FBXO38: variants seen among roughly 807,000 people sequenced by gnomAD.
FBXO38 encodes F-box protein 38.
FBXO38 carries 53 observed loss-of-function variants against 131.9 expected under a neutral mutation model. The observed-to-expected ratio is 0.40, with a 90% CI of 0.32 to 0.51. The LOEUF is 0.51. FBXO38 is among the 20% of genes least tolerant of loss of function. The pLI is 0.53. For synonymous variants in FBXO38, 452 were observed against 505.6 expected, an observed-to-expected ratio of 0.89 and a Z score of 1.42; for missense variants, 1,076 against 1,475.6, an observed-to-expected ratio of 0.73 and a Z score of 4.44.
At chr5:148,398,402 T>C (rs765536311) in intron 2 of FBXO38, among the ~76,000 whole-genome samples, 21 of 151,352 alleles carry the variant, frequency 1.4e-4, no homozygotes, top group Admixed American at 6.6e-5. Context: ...CTTAATACTT[T>C]ACGCAATACT....
chr5:148,423,958 A>T lies in FBXO38; in HGVS notation c.1619-40A>T, dbSNP rs200493006. ...TTTGCCTGCCATTGTAGTTCTTTATACTTCTTTTGGTTTTTACTTTGTGTA... is the reference window on the plus strand; with the variant it reads ...TTTGCCTGCCATTGTAGTTCTTTATTCTTCTTTTGGTTTTTACTTTGTGTA... On this transcript the variant is annotated intron_variant, in intron 12 of 21. Transcript: ENST00000340253. The T allele has an allele frequency of 1.1e-5, 17 of 1,587,634 alleles. No individual in the cohort carries two copies. The African/African-American group carries it at 1.8e-4, about 16-fold the overall frequency.
intron 12 of FBXO38, among the ~76,000 whole-genome samples, chr5:148,423,030 G>A (rs1298556774): frequency 2.6e-5 from 4 of 152,130 alleles, no homozygotes; most frequent in African/African-American, 9.7e-5. Context: ...TAGCATTCTT[G>A]TATGGTGGTA....
chr5:148,384,211 G>C (rs1757789844), intron 1 of FBXO38, among the ~76,000 whole-genome samples, 172 bp downstream of exon 1: 1 of 152,168 alleles, frequency 6.6e-6, no homozygotes, highest in Non-Finnish European at 1.5e-5. Flanking sequence ...GGTTGAATTT[G>C]TAGTTCCTGG....
chr5:148,408,531 A>G (rs897736528), intron 7 of FBXO38, among the ~76,000 whole-genome samples: 6 of 152,260 alleles, frequency 3.9e-5, no homozygotes, highest in African/African-American at 1.4e-4. Flanking sequence ...AATACTGTAC[A>G]GTAATAAGTG....
At chr5:148,402,322 A>T (rs371005377) in intron 4 of FBXO38, 26 bp from the exon 5 acceptor site, 1 of 1,582,074 alleles carries the variant, frequency 6.3e-7, no homozygotes, top group African/African-American at 1.4e-5. Context: ...GTCTTTTCTT[A>T]TGCTTGCTTT....
At chr5:148,435,637 G>A (rs1300908089) in intron 17 of FBXO38, among the ~76,000 whole-genome samples, 2 of 152,170 alleles carry the variant, frequency 1.3e-5, no homozygotes, top group Non-Finnish European at 2.9e-5. Flanking sequence ...GGGCATGGTG[G>A]CGGGTGCCTG....
intron 12 of FBXO38, among the ~76,000 whole-genome samples, chr5:148,420,561 A>T (rs1026934900): frequency 3.3e-5 from 5 of 152,228 alleles, no homozygotes; most frequent in Non-Finnish European, 7.3e-5. Flanking sequence ...GCATAGTTTT[A>T]CCTGTACATC....
intron 2 of FBXO38, among the ~76,000 whole-genome samples, chr5:148,398,256 AT>A (rs1295651313): frequency 6.6e-6 from 1 of 152,140 alleles, no homozygotes; most frequent in Non-Finnish European, 1.5e-5. Flanking sequence ...TAATCTAGGC[AT>A]GTGTGGAGGG....
chr5:148,402,460 A>T lies in FBXO38; in HGVS notation c.539A>T (p.Glu180Val). ...NRNGAFPIPP[E>V]NKLKIPIGAK... Reference sequence around the variant, plus strand: ...AATGGAGCTTTTCCAATTCCTCCTGAAAATAAACTGAAAATTCCTATAGGA... The same window carrying T: ...AATGGAGCTTTTCCAATTCCTCCTGTAAATAAACTGAAAATTCCTATAGGA... Residue 180 changes from glutamate to valine, a missense_variant, in exon 5 of 22, where the codon GAA becomes GTA. Glu to Val is a moderately radical substitution (Grantham distance 121). Transcript: ENST00000340253. The T allele has an allele frequency of 6.2e-7, 1 of 1,612,718 alleles. No individual in the cohort carries two copies. The highest frequency in any genetic ancestry group is 8.5e-7 in the Non-Finnish European group (1 of 1,179,316).
In FBXO38 at chr5:148,442,195, C is replaced by T. The variant is rs1754725604; in HGVS notation, c.*48C>T. The stretch of plus-strand genomic sequence containing the variant: ...TATTTTGTCAGAAAGCAAGTAGGGC[C>T]ATCCAGCTGCCAGAGTGCTCCACAG... On this transcript the variant is annotated 3_prime_UTR_variant, in exon 22 of 22. Coordinates refer to ENST00000340253, the MANE Select transcript of FBXO38 (RefSeq NM_205836.3). The T allele has an allele frequency of 3.2e-6, 5 of 1,573,248 alleles. No homozygotes were observed. The highest frequency in any genetic ancestry group is 4.3e-6 in the Non-Finnish European group (5 of 1,150,238).
At chr5:148,387,216 T>C (rs1757958767) in intron 1 of FBXO38, among the ~76,000 whole-genome samples, 1 of 152,236 alleles carries the variant, frequency 6.6e-6, no homozygotes. Context: ...TATGTAGTAT[T>C]CTAAATCCTT....
chr5:148,436,483 A>G (rs1414931679), intron 17 of FBXO38, among the ~76,000 whole-genome samples: 2 of 152,210 alleles, frequency 1.3e-5, no homozygotes, highest in African/African-American at 4.8e-5. Flanking sequence ...TAGGGTAAGT[A>G]TATAATGCAA....
intron 1 of FBXO38, among the ~76,000 whole-genome samples, chr5:148,392,034 A>T (rs546383748): frequency 6.6e-6 from 1 of 152,218 alleles, no homozygotes; most frequent in East Asian, 1.9e-4. Flanking sequence ...ACTTAACACT[A>T]TAAATCAGGA....
Position 148,410,752 on chromosome 5 carries a change from G to A in FBXO38, c.1080G>A (p.Glu360=), listed in dbSNP as rs1752702739. The A allele has an allele frequency of 6.2e-7, 1 of 1,610,956 alleles. No individual in the cohort carries two copies. The highest frequency in any genetic ancestry group is 8.5e-7 in the Non-Finnish European group (1 of 1,179,012). Residue 360 remains glutamate, a synonymous_variant, in exon 9 of 22, where the codon GAG becomes GAA. Transcript: ENST00000340253. ...CCCTTCATCTAGGATATGTAGATGAGTTTTTGCTACAGAGTAAGATTTATC... is the reference window on the plus strand; with the variant it reads ...CCCTTCATCTAGGATATGTAGATGAATTTTTGCTACAGAGTAAGATTTATC... ...FETLHLGYVD[E]FLLQSRMANA...
At position 148,406,239 on chromosome 5, in the gene FBXO38, A is replaced by T; in HGVS notation, c.731-18A>T. On this transcript the variant is annotated intron_variant, in intron 6 of 21. Transcript: ENST00000340253. The stretch of plus-strand genomic sequence containing the variant: ...GGCACTTTACATTGTTCTATCAAAG[A>T]TTTTTTTTTTTTTCCAGGACCCACA... The T allele has an allele frequency of 8.2e-7, 1 of 1,214,568 alleles. No homozygotes were observed. The highest frequency in any genetic ancestry group is 2.9e-5 in the East Asian group (1 of 35,058). 75.2% of individuals were successfully genotyped at this position (1,214,568 alleles called of 1,614,324 possible). A position where few individuals can be genotyped will look rare whatever the true frequency, so the allele number is the denominator to read the frequency against.
At chr5:148,393,880 G>T (rs550012372) in intron 1 of FBXO38, among the ~76,000 whole-genome samples, 30 of 152,112 alleles carry the variant, frequency 2.0e-4, no homozygotes, top group South Asian at 6.2e-4. Flanking sequence ...GACAATCAAG[G>T]TGTTAACTCC....
At chr5:148,438,801 A>G (rs1236088049) in intron 18 of FBXO38, among the ~76,000 whole-genome samples, 1 of 152,156 alleles carries the variant, frequency 6.6e-6, no homozygotes, top group Non-Finnish European at 1.5e-5. Flanking sequence ...CTTCATCTGT[A>G]AAATTAGAAT....
chr5:148,398,440 T>TA (rs77726724), intron 2 of FBXO38, among the ~76,000 whole-genome samples: 141 of 135,038 alleles, frequency 1.0e-3, no homozygotes, highest in Admixed American at 2.5e-3. Flanking sequence ...CCTTAAAGGT[T>TA]AAAAAAAAAA....
At chr5:148,393,302 G>T (rs1329681613) in intron 1 of FBXO38, among the ~76,000 whole-genome samples, 1 of 151,334 alleles carries the variant, frequency 6.6e-6, no homozygotes, top group Non-Finnish European at 1.5e-5. Context: ...GAGGGAAGAA[G>T]AGACCAGAAC....
Sources: allele counts gnomAD v4.1 joint callset (sites outside exome capture counted in the v4.1 genomes callset), GRCh38; gene constraint gnomAD v4.1.1; transcripts MANE v1.5; gene names NCBI Gene and HGNC (gene_info 2026-07-23, HGNC 2026-07-21).